SRGAP1: variants seen among roughly 807,000 people sequenced by gnomAD.
SRGAP1 encodes the protein SLIT-ROBO Rho GTPase-activating protein 1.
In SRGAP1, 43 loss-of-function variants were observed where a neutral mutation model predicts 121.9. That is an observed-to-expected ratio of 0.35 (90% CI 0.28 to 0.46). The LOEUF (loss-of-function observed/expected upper bound fraction) is 0.46, where lower values mean the gene tolerates loss of function less well. Ranked by LOEUF, SRGAP1 falls within the 20% of genes least tolerant of loss-of-function variation. The probability of loss-of-function intolerance (pLI) is 1.00; values close to 1 mark genes in which losing one functional copy is unlikely to be tolerated. For missense variants in SRGAP1, 1,102 were observed against 1,350.9 expected (o/e 0.82, Z 2.89); for synonymous variants, 447 against 485.4 (o/e 0.92, Z 1.04).
chr12:63,907,555 G>T (rs1286632340), intron 1 of SRGAP1, among the ~76,000 whole-genome samples: 1 of 151,760 alleles, frequency 6.6e-6, no homozygotes, highest in African/African-American at 2.4e-5. Context: ...AAAAATTAAA[G>T]TAAAATAAAA....
rs775966391 is a variant in SRGAP1 at position 64,097,228 on chromosome 12, T to G, written c.1679-13T>G. On this transcript the variant is annotated splice_polypyrimidine_tract_variant and intron_variant, in intron 14 of 21. Coordinates refer to ENST00000355086, the MANE Select transcript of SRGAP1 (RefSeq NM_020762.4). The stretch of plus-strand genomic sequence containing the variant: ...AGCACTGTTAATGTAATGAGTTTTT[T>G]TTTTTTTTTTAGGTGAAAATCCTTT... 4 of 1,568,608 alleles carry G rather than the reference T, an allele frequency of 2.6e-6. No individual in the cohort carries two copies. Among genetic ancestry groups the G allele is most frequent in the East Asian group, 2.2e-5 (1 of 44,640 alleles).
At chr12:63,911,490 G>T (rs1300958091) in intron 1 of SRGAP1, among the ~76,000 whole-genome samples, 5 of 152,076 alleles carry the variant, frequency 3.3e-5, no homozygotes, top group Admixed American at 3.3e-4. Flanking sequence ...AGACGGCTGT[G>T]CCCTTAGCTG....
rs1020114462 is a variant in SRGAP1 at position 64,148,980 on chromosome 12, G to T, written c.*6308G>T. ...ATACAGTATGTAGATTTTGTGTCTG[G>T]CTCCTTTTGTTGAAATGTATGTTTG... is the stretch of plus-strand genomic sequence containing the variant. On this transcript the variant is annotated 3_prime_UTR_variant, in exon 22 of 22. Coordinates refer to ENST00000355086, the MANE Select transcript of SRGAP1 (RefSeq NM_020762.4). The T allele has an allele frequency of 3.3e-5, 5 of 152,124 alleles. No individual in the cohort carries two copies. Among genetic ancestry groups the T allele is most frequent in the Non-Finnish European group, 1.5e-5 (1 of 68,028 alleles). 9.4% of individuals were successfully genotyped at this position (152,124 alleles called of 1,614,324 possible).
intron 1 of SRGAP1, among the ~76,000 whole-genome samples, chr12:63,969,726 A>G (rs535720387): frequency 2.6e-4 from 39 of 151,956 alleles, no homozygotes; most frequent in Non-Finnish European, 5.0e-4. Flanking sequence ...CCCGGGAGGC[A>G]GAGCTTGCAG....
intron 18 of SRGAP1, among the ~76,000 whole-genome samples, chr12:64,121,709 G>A (rs2036608533): frequency 6.6e-6 from 1 of 152,176 alleles, no homozygotes; most frequent in Non-Finnish European, 1.5e-5. Context: ...CCAGGACAAA[G>A]CCCAGCCATC....
At chr12:63,868,076 T>G (rs1899716722) in intron 1 of SRGAP1, among the ~76,000 whole-genome samples, 15 of 95,882 alleles carry the variant, frequency 1.6e-4, no homozygotes, top group East Asian at 4.4e-4. Context: ...TTTTTTTTTT[T>G]TTGTTTTTTT....
At chr12:63,990,305 G>A (rs568026989) in intron 3 of SRGAP1, among the ~76,000 whole-genome samples, 4 of 152,194 alleles carry the variant, frequency 2.6e-5, no homozygotes, top group South Asian at 2.1e-4. Context: ...AGGCTGAGGC[G>A]GGTGGATCAC....
At chr12:63,897,160 C>A (rs1900781829) in intron 1 of SRGAP1, among the ~76,000 whole-genome samples, 2 of 152,144 alleles carry the variant, frequency 1.3e-5, no homozygotes, top group Admixed American at 1.3e-4. Flanking sequence ...GCAAATGGAA[C>A]CATTGAATGT....
At chr12:63,960,284 G>A (rs773407868) in intron 1 of SRGAP1, among the ~76,000 whole-genome samples, 1 of 152,096 alleles carries the variant, frequency 6.6e-6, no homozygotes, top group Non-Finnish European at 1.5e-5. Context: ...CAGACTGAGG[G>A]TTCCCCTCCG....
Position 63,849,017 on chromosome 12 carries a change from T to C in SRGAP1, c.67+4134T>C, listed in dbSNP as rs1565919300. On this transcript the variant is annotated intron_variant, in intron 1 of 21. Coordinates refer to ENST00000355086, the MANE Select transcript of SRGAP1 (RefSeq NM_020762.4). ...ATGATACAAGTGGTTAAACAGTGGA[T>C]AGGTTTAAATGGGGGACAAAAGGGG... Among the ~76,000 whole-genome samples the C allele has an allele frequency of 2.0e-5, 3 of 152,330 alleles. No homozygotes were observed. In the South Asian group the frequency reaches 6.2e-4, roughly 32 times the overall value.
chr12:64,047,926 A>T (rs946651222), intron 6 of SRGAP1, among the ~76,000 whole-genome samples: 1 of 152,300 alleles, frequency 6.6e-6, no homozygotes. Context: ...TAATAATCAC[A>T]TCAGGGTAAA....
At chr12:64,120,626 T>G (rs930255316) in intron 18 of SRGAP1, 2 of 152,016 alleles carry the variant, frequency 1.3e-5, no homozygotes, top group Non-Finnish European at 2.9e-5. Flanking sequence ...TCTAGAACAC[T>G]AGAGTGAAGT....
chr12:64,080,242 T>C, intron 9 of SRGAP1, 44 bp from the exon 10 acceptor site: 1 of 1,434,712 alleles, frequency 7.0e-7, no homozygotes, highest in Non-Finnish European at 9.5e-7. Flanking sequence ...AAACTCTGTC[T>C]CAAAAAAAAA....
chr12:64,000,745 G>A (rs2033866239), intron 3 of SRGAP1, among the ~76,000 whole-genome samples: 1 of 152,212 alleles, frequency 6.6e-6, no homozygotes. Flanking sequence ...CAAAGGACAG[G>A]CAGAGGGATT....
Position 63,994,037 on chromosome 12 carries a change from T to C in SRGAP1, c.426+3965T>C, listed in dbSNP as rs527606204. ...GTATGAATCCTGGCTTTACCACTGTTGGGAGCTGTGTGGACTTGGGAATAT... is the reference window on the plus strand; with the variant it reads ...GTATGAATCCTGGCTTTACCACTGTCGGGAGCTGTGTGGACTTGGGAATAT... On this transcript the variant is annotated intron_variant, in intron 3 of 21. Transcript: ENST00000355086. 1.9e-3 allele frequency among the ~76,000 whole-genome samples: 297 copies of C among 152,328 alleles called. 1 individual carries two copies. Among genetic ancestry groups the C allele is most frequent in the African/African-American group, 6.9e-3 (285 of 41,564 alleles).
rs1348485610 is a variant in SRGAP1, at chr12:64,161,982, A to C, written c.*19310A>C. 6.6e-6 allele frequency: 1 copy of C among 152,262 alleles called. No individual in the cohort carries two copies. Among genetic ancestry groups the C allele is most frequent in the Admixed American group, 6.5e-5 (1 of 15,286 alleles). 9.4% of individuals were successfully genotyped at this position (152,262 alleles called of 1,614,324 possible). A position where few individuals can be genotyped will look rare whatever the true frequency, so the allele number is the denominator to read the frequency against. Reference sequence around the variant, plus strand: ...GCCAGTCATAAACCACATATTGTGTATATTTTATCCATAAGAAATGTTCAG... The same window carrying C: ...GCCAGTCATAAACCACATATTGTGTCTATTTTATCCATAAGAAATGTTCAG... On this transcript the variant is annotated 3_prime_UTR_variant, in exon 22 of 22. Transcript: ENST00000355086.
At chr12:64,012,576 T>TTTTATA (rs869306490) in intron 3 of SRGAP1, among the ~76,000 whole-genome samples, 1 of 144,962 alleles carries the variant, frequency 6.9e-6, no homozygotes, top group African/African-American at 2.6e-5. Context: ...TTTTTTTTTT[T>TTTTATA]GAGAGTGGGT....
intron 4 of SRGAP1, chr12:64,032,501 C>T: frequency 8.6e-7 from 1 of 1,163,416 alleles, no homozygotes; most frequent in Non-Finnish European, 1.3e-6. Flanking sequence ...TATCCAGCAG[C>T]CAGGCATGGA....
At chr12:64,051,898 A>G (rs1039368320) in intron 6 of SRGAP1, among the ~76,000 whole-genome samples, 1 of 152,210 alleles carries the variant, frequency 6.6e-6, no homozygotes, top group Non-Finnish European at 1.5e-5. Context: ...TAAATCTTAC[A>G]TACTTAATTG....
Sources: allele counts gnomAD v4.1 joint callset (sites outside exome capture counted in the v4.1 genomes callset), GRCh38; gene constraint gnomAD v4.1.1; transcripts MANE v1.5; gene names NCBI Gene and HGNC (gene_info 2026-07-23, HGNC 2026-07-21).